Variants in EXD1 observed in about 807,000 individuals in gnomAD.
The protein encoded by EXD1 is piRNA biogenesis protein EXD1.
A neutral mutation model predicts 49.1 loss-of-function variants in EXD1; 63 were observed. That is an observed-to-expected ratio of 1.28 (90% CI 1.05 to 1.58). The LOEUF is 1.58. EXD1 is among the 40% of genes most tolerant of loss of function. The pLI, the probability that EXD1 is intolerant of heterozygous loss-of-function variation, is 0.00. For missense variants in EXD1, 748 were observed against 666.0 expected (o/e 1.12, Z -1.36); for synonymous variants, 234 against 239.2 (o/e 0.98, Z 0.20).
chr15:41,211,610 C>T (rs1036180479), intron 6 of EXD1, among the ~76,000 whole-genome samples: 1 of 151,564 alleles, frequency 6.6e-6, no homozygotes, highest in African/African-American at 2.4e-5. Flanking sequence ...ATTGCTTGAG[C>T]CCAGGAGTTC....
chr15:41,204,946 C>T (rs567672260), intron 7 of EXD1, among the ~76,000 whole-genome samples: 8 of 152,092 alleles, frequency 5.3e-5, no homozygotes, highest in East Asian at 1.9e-4. Flanking sequence ...AGAGCCAAGA[C>T]GAATCTAGAC....
intron 2 of EXD1, among the ~76,000 whole-genome samples, chr15:41,223,855 ACT>A (rs1323174472): frequency 6.6e-6 from 1 of 151,536 alleles, no homozygotes; most frequent in African/African-American, 2.4e-5. Context: ...ACACAGCGAG[ACT>A]CTGTTTCAAA....
chr15:41,206,401 C>T (rs902444327), intron 7 of EXD1, among the ~76,000 whole-genome samples: 3 of 143,018 alleles, frequency 2.1e-5, no homozygotes, highest in Non-Finnish European at 4.5e-5. Context: ...ACCTGAGAGG[C>T]AGAGATGCAG....
At chr15:41,222,035 G>A (rs904248606) in intron 2 of EXD1, among the ~76,000 whole-genome samples, 1 of 152,048 alleles carries the variant, frequency 6.6e-6, no homozygotes, top group Non-Finnish European at 1.5e-5. Context: ...AGGCGTCAGA[G>A]GTTCCAGTGA....
intron 1 of EXD1, among the ~76,000 whole-genome samples, chr15:41,227,045 G>C (rs893920088): frequency 6.6e-6 from 1 of 152,148 alleles, no homozygotes; most frequent in African/African-American, 2.4e-5. Context: ...ATAACTACCT[G>C]AGCTGCTATT....
intron 9 of EXD1, among the ~76,000 whole-genome samples, chr15:41,192,790 ATTTTT>A (rs57676752): frequency 4.0e-5 from 3 of 74,772 alleles, no homozygotes; most frequent in Admixed American, 1.6e-4. Flanking sequence ...TATTCTTAAG[ATTTTT>A]TTTTTTTTTT....
intron 6 of EXD1, among the ~76,000 whole-genome samples, 175 bp downstream of exon 6, chr15:41,215,600 G>A (rs1359279185): frequency 6.6e-6 from 1 of 151,884 alleles, no homozygotes; most frequent in East Asian, 1.9e-4. Context: ...GCAGGAGAAG[G>A]GTGTGAACCT....
chr15:41,201,356 T>G (rs1410178699), intron 7 of EXD1, among the ~76,000 whole-genome samples: 1 of 152,066 alleles, frequency 6.6e-6, no homozygotes, highest in East Asian at 1.9e-4. Context: ...TTACACAAAA[T>G]TATTCATAAG....
rs2047228972 is a variant in EXD1 at position 41,230,689 on chromosome 15, A to G, written c.-264T>C. Reference sequence around the variant, plus strand: ...AAATCACAGGCTGAAAACCTGGAGAAAGGTCCGCGACGCCGGGGACACACG... The same window carrying G: ...AAATCACAGGCTGAAAACCTGGAGAGAGGTCCGCGACGCCGGGGACACACG... On this transcript the variant is annotated 5_prime_UTR_variant, in exon 1 of 12. Coordinates refer to ENST00000458580, the MANE Select transcript of EXD1 (RefSeq NM_001286441.2). 1.2e-6 allele frequency: 1 copy of G among 839,956 alleles called. No individual in the cohort carries two copies. The allele number at this position is 839,956 out of a possible 1,614,324, so 52.0% of individuals were successfully genotyped here.
At chr15:41,222,961 T>G (rs1260465832) in intron 2 of EXD1, among the ~76,000 whole-genome samples, 1 of 148,418 alleles carries the variant, frequency 6.7e-6, no homozygotes, top group Non-Finnish European at 1.5e-5. Flanking sequence ...AAAAAAAAAT[T>G]TTTTTTAGAG....
At chr15:41,211,792 T>G (rs2046924780) in intron 6 of EXD1, among the ~76,000 whole-genome samples, 1 of 110,158 alleles carries the variant, frequency 9.1e-6, no homozygotes, top group African/African-American at 6.2e-5. Context: ...AGACCTCATT[T>G]CTTAAAAAAA....
intron 7 of EXD1, among the ~76,000 whole-genome samples, chr15:41,202,641 G>A (rs1007334107): frequency 2.6e-5 from 4 of 152,006 alleles, no homozygotes; most frequent in Non-Finnish European, 4.4e-5. Flanking sequence ...TAATGTTTTT[G>A]TTTTTTGTAG....
intron 3 of EXD1, 48 bp from the exon 4 acceptor site, chr15:41,217,202 A>T: frequency 6.7e-7 from 1 of 1,484,498 alleles, no homozygotes; most frequent in Non-Finnish European, 9.4e-7. Context: ...ATCAGAAATC[A>T]ATTAACTACT....
chr15:41,213,764 G>T (rs1412664617), intron 6 of EXD1, among the ~76,000 whole-genome samples: 3 of 152,082 alleles, frequency 2.0e-5, no homozygotes, highest in Non-Finnish European at 2.9e-5. Flanking sequence ...TGGATAAGGG[G>T]TGTGGGGTTT....
intron 10 of EXD1, among the ~76,000 whole-genome samples, chr15:41,190,585 G>T (rs1253602723): frequency 1.3e-5 from 2 of 152,092 alleles, no homozygotes; most frequent in Non-Finnish European, 2.9e-5. Flanking sequence ...ACTATTGATA[G>T]CCTTTGAGCA....
intron 7 of EXD1, among the ~76,000 whole-genome samples, chr15:41,203,799 C>A (rs2046771624): frequency 6.6e-6 from 1 of 150,972 alleles, no homozygotes; most frequent in African/African-American, 2.4e-5. Context: ...CTCCTGTAAT[C>A]CAAGGTACTT....
At chr15:41,223,369 A>G (rs1198926946) in intron 2 of EXD1, among the ~76,000 whole-genome samples, 2 of 152,018 alleles carry the variant, frequency 1.3e-5, no homozygotes, top group African/African-American at 4.8e-5. Context: ...GCAATGAGCC[A>G]TGATAGTCCC....
intron 3 of EXD1, among the ~76,000 whole-genome samples, chr15:41,218,226 T>C (rs1014678228): frequency 6.6e-6 from 1 of 152,138 alleles, no homozygotes; most frequent in Non-Finnish European, 1.5e-5. Context: ...GGCTCACGCC[T>C]GTAATCCCAG....
At chr15:41,203,916 C>CAAAAAAAAAAAAA (rs1187093511) in intron 7 of EXD1, among the ~76,000 whole-genome samples, 2 of 23,244 alleles carry the variant, frequency 8.6e-5, no homozygotes, top group African/African-American at 2.7e-4. Flanking sequence ...GACTTCTCCT[C>CAAAAAAAAAAAAA]AAAAAAAAAA....
Sources: allele counts gnomAD v4.1 joint callset (sites outside exome capture counted in the v4.1 genomes callset), GRCh38; gene constraint gnomAD v4.1.1; transcripts MANE v1.5; gene names NCBI Gene and HGNC (gene_info 2026-07-23, HGNC 2026-07-21).